The following CUX2 variants were observed in gnomAD, a reference collection of about 807,000 sequenced individuals.
CUX2 encodes homeobox protein cut-like 2.
A neutral mutation model predicts 144.8 loss-of-function variants in CUX2; 40 were observed. The observed-to-expected ratio is 0.28, with a 90% CI of 0.21 to 0.36. The LOEUF (loss-of-function observed/expected upper bound fraction) is 0.36, where lower values mean the gene tolerates loss of function less well. Among genes scored for constraint, CUX2 ranks in the 10% least tolerant of loss-of-function variants. The pLI, the probability that CUX2 is intolerant of heterozygous loss-of-function variation, is 1.00. For missense variants in CUX2, 1,615 were observed against 1,994.0 expected (o/e 0.81, Z 3.62); for synonymous variants, 827 against 875.6 (o/e 0.94, Z 0.98).
At position 111,280,221 on chromosome 12, in the gene CUX2, G is replaced by A. The variant is rs548219445; in HGVS notation, c.302-11197G>A. Among the ~76,000 whole-genome samples the A allele has an allele frequency of 4.6e-5, 7 of 152,272 alleles. 1 individual carries two copies. In the South Asian group the frequency reaches 1.5e-3, roughly 32 times the overall value. On this transcript the variant is annotated intron_variant, in intron 4 of 21. Transcript: ENST00000261726. ...GGAGAATCGCTTGAACCCGGGAGAC[G>A]GAGGTTGCAGTGAGCCAAGATCGCG...
chr12:111,061,352 G>A lies in CUX2; in HGVS notation c.63+27112G>A, dbSNP rs2136020944. 6.6e-6 allele frequency among the ~76,000 whole-genome samples: 1 copy of A among 152,280 alleles called. No homozygotes were observed. Among genetic ancestry groups the A allele is most frequent in the South Asian group, 2.1e-4 (1 of 4,818 alleles). The stretch of plus-strand genomic sequence containing the variant: ...ATGGGACAATGAGGAGAGCCACTGA[G>A]GAAAGCTTTTCGGGATGGGGGAGGA... On this transcript the variant is annotated intron_variant, in intron 1 of 21. Coordinates refer to ENST00000261726, the MANE Select transcript of CUX2 (RefSeq NM_015267.4). This position sits in a 1 kb window ranked among gnomAD's most constrained non-coding sequence, Gnocchi z 4.2.
intron 1 of CUX2, among the ~76,000 whole-genome samples, chr12:111,158,314 TAAG>T (rs1459347149): frequency 1.3e-5 from 2 of 151,890 alleles, no homozygotes; most frequent in African/African-American, 4.8e-5. Flanking sequence ...CCCCATCTTT[TAAG>T]AAGAATGAGC....
intron 1 of CUX2, among the ~76,000 whole-genome samples, chr12:111,176,955 T>G (rs868617760): frequency 5.3e-5 from 8 of 152,192 alleles, no homozygotes; most frequent in Middle Eastern, 3.2e-3. Context: ...TGTAAGATGT[T>G]TAGCAACATC....
intron 1 of CUX2, among the ~76,000 whole-genome samples, chr12:111,164,873 G>C (rs570313498): frequency 6.6e-6 from 1 of 152,290 alleles, no homozygotes; most frequent in South Asian, 2.1e-4. Context: ...GTCCCTGCCT[G>C]TACCCCCTGT....
intron 1 of CUX2, among the ~76,000 whole-genome samples, chr12:111,181,108 AGG>A (rs1224492173): frequency 6.6e-6 from 1 of 152,254 alleles, no homozygotes; most frequent in Non-Finnish European, 1.5e-5. Flanking sequence ...TGAAATAACC[AGG>A]CGGAATATTC....
At chr12:111,337,184 G>T (rs1565930846) in intron 19 of CUX2, among the ~76,000 whole-genome samples, 4 of 151,176 alleles carry the variant, frequency 2.6e-5, no homozygotes, top group Admixed American at 1.3e-4. Flanking sequence ...CCAAAAAAAT[G>T]AAAAATAAAA....
rs115133593 is a variant in CUX2, at chr12:111,061,765, G to A, written c.63+27525G>A. On this transcript the variant is annotated intron_variant, in intron 1 of 21. Coordinates refer to ENST00000261726, the MANE Select transcript of CUX2 (RefSeq NM_015267.4). The surrounding 1 kb of genome is among the most constrained non-coding windows in gnomAD (Gnocchi z 4.2). The stretch of plus-strand genomic sequence containing the variant: ...CCTGGGTATCTCTGGGTTTTTTGTC[G>A]TTTTCTTTTTTCTGCTGTGATGGAA... Among the ~76,000 whole-genome samples, 840 of 152,242 alleles carry A rather than the reference G, an allele frequency of 5.5e-3. 11 individuals are homozygous for A. Among genetic ancestry groups the A allele is most frequent in the African/African-American group, 0.019 (792 of 41,534 alleles).
intron 21 of CUX2, among the ~76,000 whole-genome samples, chr12:111,345,391 C>G (rs1395397076): frequency 6.9e-6 from 1 of 144,290 alleles, no homozygotes; most frequent in African/African-American, 2.6e-5. Flanking sequence ...TGCAGTGAGC[C>G]GAGATCGTGC....
Position 111,310,289 on chromosome 12 carries a change from G to A in CUX2, c.1507G>A (p.Gly503Ser), listed in dbSNP as rs765817841. 2.6e-5 allele frequency: 39 copies of A among 1,490,864 alleles called. No individual in the cohort carries two copies. The Middle Eastern group carries it at 1.3e-3, about 50-fold the overall frequency. 92.4% of individuals were successfully genotyped at this position (1,490,864 alleles called of 1,614,324 possible). A position where few individuals can be genotyped will look rare whatever the true frequency, so the allele number is the denominator to read the frequency against. The part of the protein sequence containing the change: ...PPAAFKGEAG[G>S]LLVFPPAFYG... ...AGCCGCCTTCAAGGGAGAGGCGGGC[G>A]GCCTGCTGGTGTTCCCCCCAGCCTT... Residue 503 changes from glycine (G) to serine (S), a missense_variant, in exon 15 of 22, where the codon GGC becomes AGC. By Grantham distance (56) the Gly-to-Ser change is moderately conservative (BLOSUM62 0). This residue lies in a region of CUX2 where 154 missense variants were observed against 148.4 expected (regional missense o/e 1.04). Transcript: ENST00000261726. This position sits in a 1 kb window ranked among gnomAD's most constrained non-coding sequence, Gnocchi z 7.9.
intron 1 of CUX2, among the ~76,000 whole-genome samples, chr12:111,088,888 T>C (rs571563708): frequency 3.3e-5 from 5 of 152,130 alleles, no homozygotes; most frequent in Non-Finnish European, 5.9e-5. Flanking sequence ...GGCTGACAGC[T>C]CTGCAGTGGG....
chr12:111,312,643 T>C lies in CUX2; in HGVS notation c.2002+442T>C, dbSNP rs1032101051. Among the ~76,000 whole-genome samples, 13 of 149,430 alleles carry C rather than the reference T, an allele frequency of 8.7e-5. No homozygotes were observed. Among genetic ancestry groups the C allele is most frequent in the Admixed American group, 2.7e-4 (4 of 14,988 alleles). On this transcript the variant is annotated intron_variant, in intron 16 of 21. Coordinates refer to ENST00000261726, the MANE Select transcript of CUX2 (RefSeq NM_015267.4). The surrounding 1 kb of genome is among the most constrained non-coding windows in gnomAD (Gnocchi z 4.3). ...TGAACCCGGGAGGCGGAGGTTGCAG[T>C]GAGCCGAGATCACACCACTGCACTC...
intron 3 of CUX2, among the ~76,000 whole-genome samples, chr12:111,236,236 G>A (rs115613172): frequency 1.3e-5 from 2 of 152,222 alleles, no homozygotes; most frequent in African/African-American, 2.4e-5. Flanking sequence ...GAAAGGGCTC[G>A]TGCTGAACCA....
intron 1 of CUX2, among the ~76,000 whole-genome samples, chr12:111,201,835 C>G (rs1189380106): frequency 6.6e-6 from 1 of 152,208 alleles, no homozygotes; most frequent in Non-Finnish European, 1.5e-5. Context: ...AAGTGGCAGA[C>G]TTCAGAGAGG....
At chr12:111,049,544 G>T (rs1220758909) in intron 1 of CUX2, among the ~76,000 whole-genome samples, 1 of 152,240 alleles carries the variant, frequency 6.6e-6, no homozygotes, top group African/African-American at 2.4e-5. Flanking sequence ...GGAACAAGAG[G>T]GGAGACAAAC....
At chr12:111,130,771 T>G (rs1331847190) in intron 1 of CUX2, among the ~76,000 whole-genome samples, 1 of 152,222 alleles carries the variant, frequency 6.6e-6, no homozygotes, top group African/African-American at 2.4e-5. Context: ...TTTTGGCATC[T>G]CCATCCCCCT....
At chr12:111,328,638 C>T (rs1043054144) in intron 18 of CUX2, among the ~76,000 whole-genome samples, 6 of 150,696 alleles carry the variant, frequency 4.0e-5, no homozygotes, top group Non-Finnish European at 8.9e-5. Context: ...CTCACTCTGT[C>T]GCCCAGGCTG....
chr12:111,180,877 C>T (rs1879123639), intron 1 of CUX2, among the ~76,000 whole-genome samples: 1 of 152,238 alleles, frequency 6.6e-6, no homozygotes, highest in Non-Finnish European at 1.5e-5. Context: ...AAAATAACCT[C>T]CCGGGCTCCT....
chr12:111,235,429 A>T (rs1321697114), intron 3 of CUX2, among the ~76,000 whole-genome samples: 1 of 152,070 alleles, frequency 6.6e-6, no homozygotes, highest in Non-Finnish European at 1.5e-5. Context: ...AGCACTTAAG[A>T]ATGAGACGAG....
At position 111,190,157 on chromosome 12, in the gene CUX2, A is replaced by G. The variant is rs1879791440; in HGVS notation, c.64-24043A>G. Among the ~76,000 whole-genome samples the G allele has an allele frequency of 6.6e-6, 1 of 151,664 alleles. No homozygotes were observed. Among genetic ancestry groups the G allele is most frequent in the Admixed American group, 6.6e-5 (1 of 15,218 alleles). ...AGGCACTGATTTCAGTCTCTGGCCC[A>G]TTTTTCTATTTGATCATCTCTTCCT... On this transcript the variant is annotated intron_variant, in intron 1 of 21. Coordinates refer to ENST00000261726, the MANE Select transcript of CUX2 (RefSeq NM_015267.4). The surrounding 1 kb of genome is among the most constrained non-coding windows in gnomAD (Gnocchi z 4.0).
Sources: gnomAD v4.1 joint callset for allele counts (sites outside exome capture counted in the v4.1 genomes callset) on GRCh38, gnomAD v4.1.1 for gene constraint, gnomAD v4.1.1 regional missense constraint, Gnocchi (gnomAD v3.1) non-coding constraint, MANE v1.5 for transcripts, NCBI Gene and HGNC (gene_info 2026-07-23, HGNC 2026-07-21) for gene names.